The following TBC1D10A variants were observed in gnomAD, a reference collection of about 807,000 sequenced individuals.
TBC1D10A encodes TBC1 domain family member 10A.
TBC1D10A carries 24 observed loss-of-function variants against 52.9 expected under a neutral mutation model. The observed-to-expected ratio is 0.45, with a 90% CI of 0.33 to 0.64. The LOEUF is 0.64. Ranked by LOEUF, TBC1D10A falls within the 30% of genes least tolerant of loss-of-function variation. The pLI is 0.02. For missense variants in TBC1D10A, 602 were observed against 687.9 expected, an observed-to-expected ratio of 0.88 and a Z score of 1.40; for synonymous variants, 278 against 282.9, an observed-to-expected ratio of 0.98 and a Z score of 0.17.
chr22:30,293,252 T>G (rs1348456064), intron 8 of TBC1D10A: 1 of 605,430 alleles, frequency 1.7e-6, no homozygotes, highest in African/African-American at 1.8e-5. Context: ...TGCTTAGTGA[T>G]TCTGCCTCTG....
At chr22:30,319,939 G>A (rs1341670838) in intron 1 of TBC1D10A, among the ~76,000 whole-genome samples, 2 of 152,156 alleles carry the variant, frequency 1.3e-5, no homozygotes, top group Non-Finnish European at 2.9e-5. Flanking sequence ...CAATTACCTC[G>A]ACTGAGGAAG....
chr22:30,308,179 G>A (rs1190834049), intron 1 of TBC1D10A, among the ~76,000 whole-genome samples: 12 of 152,170 alleles, frequency 7.9e-5, no homozygotes, highest in Non-Finnish European at 5.9e-5. Flanking sequence ...TGGCAGAGCT[G>A]GGACTCAAAC....
chr22:30,326,720 G>C lies in TBC1D10A; in HGVS notation c.162C>G (p.Arg54=). The C allele has an allele frequency of 6.5e-7, 1 of 1,541,318 alleles. No homozygotes were observed. ...CCACGATGAAGCCGAACTTGTCGAT[G>C]CGGCGCTCGGCGAAGCCGTTGGCCT... The part of the protein sequence containing the change: ...DSEANGFAER[R]IDKFGFIVGS... Residue 54 remains arginine (R), a synonymous_variant, in exon 1 of 9, where the codon CGC becomes CGG. Transcript: ENST00000215790.
At chr22:30,319,949 G>A (rs1014888558) in intron 1 of TBC1D10A, among the ~76,000 whole-genome samples, 1 of 152,226 alleles carries the variant, frequency 6.6e-6, no homozygotes, top group Non-Finnish European at 1.5e-5. Flanking sequence ...GACTGAGGAA[G>A]AGAAAGGGGA....
At chr22:30,323,529 C>T (rs1601683121) in intron 1 of TBC1D10A, among the ~76,000 whole-genome samples, 1 of 152,224 alleles carries the variant, frequency 6.6e-6, no homozygotes, top group East Asian at 1.9e-4. Context: ...GCAGTGGAAA[C>T]TGTACTGACC....
At chr22:30,325,071 A>ATT (rs1357011020) in intron 1 of TBC1D10A, among the ~76,000 whole-genome samples, 1 of 152,190 alleles carries the variant, frequency 6.6e-6, no homozygotes, top group Non-Finnish European at 1.5e-5. Context: ...CTGCTCCTCA[A>ATT]TTCAAAACAC....
intron 1 of TBC1D10A, among the ~76,000 whole-genome samples, chr22:30,315,872 TG>T (rs1309924069): frequency 6.6e-6 from 1 of 151,994 alleles, no homozygotes; most frequent in Non-Finnish European, 1.5e-5. Flanking sequence ...TGCAGACACT[TG>T]GGGCTGGGCT....
intron 2 of TBC1D10A, among the ~76,000 whole-genome samples, chr22:30,302,969 G>T (rs1363814084): frequency 1.3e-5 from 2 of 152,234 alleles, no homozygotes; most frequent in Non-Finnish European, 2.9e-5. Flanking sequence ...AGGAATAACT[G>T]TCTTAACATT....
At position 30,326,835 on chromosome 22, in the gene TBC1D10A, C is replaced by T; in HGVS notation, c.47G>A (p.Gly16Glu). ...GENGPRAPAA[G>E]ESLSGTRESL... Reference sequence around the variant, plus strand: ...CTCCCGGGTTCCCGACAGGCTTTCCCCGGCCGCGGGCGCGCGCGGCCCATT... The same window carrying T: ...CTCCCGGGTTCCCGACAGGCTTTCCTCGGCCGCGGGCGCGCGCGGCCCATT... Residue 16 changes from glycine to glutamate, a missense_variant, in exon 1 of 9, where the codon GGG (glycine) becomes GAG (glutamate). By Grantham distance (98) the Gly-to-Glu change is moderately conservative. Coordinates refer to ENST00000215790, the MANE Select transcript of TBC1D10A (RefSeq NM_031937.3). 1.4e-6 allele frequency: 2 copies of T among 1,475,848 alleles called. No individual in the cohort carries two copies. Among genetic ancestry groups the T allele is most frequent in the Non-Finnish European group, 1.8e-6 (2 of 1,120,740 alleles). The allele number at this position is 1,475,848 out of a possible 1,614,324, so 91.4% of individuals were successfully genotyped here. A position where few individuals can be genotyped will look rare whatever the true frequency, so the allele number is the denominator to read the frequency against.
intron 1 of TBC1D10A, among the ~76,000 whole-genome samples, chr22:30,306,786 C>T (rs936843350): frequency 6.6e-6 from 1 of 152,170 alleles, no homozygotes; most frequent in Non-Finnish European, 1.5e-5. Context: ...AAGGAAGACA[C>T]TGGAGGTCTG....
rs778282479 is a variant in TBC1D10A, at chr22:30,294,005, T to C, written c.811A>G (p.Met271Val). 5 of 1,614,108 alleles carry C rather than the reference T, an allele frequency of 3.1e-6. No individual in the cohort carries two copies. The South Asian group carries it at 3.3e-5, about 11-fold the overall frequency. The stretch of plus-strand genomic sequence containing the variant: ...AAGGCGCACATGAACCATTCTGTCA[T>C]ATAGAGGAGCGGGTCGATCTTCTGA... ...SRQKIDPLLY[M>V]TEWFMCAFSR... Residue 271 changes from methionine to valine, a missense_variant, in exon 7 of 9, where the codon ATG (methionine) becomes GTG (valine). Met to Val is a conservative substitution (Grantham distance 21). Around this residue, in one of 3 missense-constraint regions of TBC1D10A, gnomAD observed 136 missense variants for 208.4 expected, o/e 0.65. Transcript: ENST00000215790.
chr22:30,303,370 C>A (rs1930247063), intron 2 of TBC1D10A, among the ~76,000 whole-genome samples: 1 of 152,188 alleles, frequency 6.6e-6, no homozygotes, highest in African/African-American at 2.4e-5. Flanking sequence ...TAGAGAATAA[C>A]AAGCAAGAGC....
intron 2 of TBC1D10A, among the ~76,000 whole-genome samples, chr22:30,304,031 A>G (rs1930260889): frequency 6.6e-6 from 1 of 152,250 alleles, no homozygotes; most frequent in African/African-American, 2.4e-5. Flanking sequence ...GTGGTGGCTA[A>G]GAGGGCAGGT....
chr22:30,326,223 C>G (rs1479694006), intron 1 of TBC1D10A, among the ~76,000 whole-genome samples: 1 of 132,910 alleles, frequency 7.5e-6, no homozygotes, highest in Admixed American at 7.8e-5. Context: ...GGCGGGGAGA[C>G]AAGGGCGTCT....
intron 3 of TBC1D10A, 69 bp downstream of exon 3, chr22:30,299,375 G>A: frequency 6.7e-7 from 1 of 1,485,474 alleles, no homozygotes; most frequent in African/African-American, 1.4e-5. Context: ...AGCACATGGA[G>A]GATTGCCGCC....
chr22:30,308,356 A>C (rs1930360903), intron 1 of TBC1D10A, among the ~76,000 whole-genome samples: 1 of 122,174 alleles, frequency 8.2e-6, no homozygotes, highest in Non-Finnish European at 1.7e-5. Flanking sequence ...GCCTGCCTAG[A>C]TCTCGTAAAA....
chr22:30,304,694 C>T (rs1930275655), intron 1 of TBC1D10A, 64 bp from the exon 2 acceptor site: 2 of 1,580,836 alleles, frequency 1.3e-6, no homozygotes, highest in Non-Finnish European at 1.7e-6. Context: ...GGCTTCATTC[C>T]CAGCCGCCAG....
At chr22:30,309,976 C>A (rs1373535678) in intron 1 of TBC1D10A, among the ~76,000 whole-genome samples, 2 of 152,214 alleles carry the variant, frequency 1.3e-5, no homozygotes, top group Non-Finnish European at 2.9e-5. Flanking sequence ...CTCCTCCAAG[C>A]CTCACTCCCT....
rs997060029 is a variant in TBC1D10A at position 30,297,776 on chromosome 22, G to C, written c.417+1668C>G. 1.3e-5 allele frequency: 2 copies of C among 152,328 alleles called. No homozygotes were observed. Among genetic ancestry groups the C allele is most frequent in the Non-Finnish European group, 2.9e-5 (2 of 68,050 alleles). 9.4% of individuals were successfully genotyped at this position (152,328 alleles called of 1,614,324 possible). ...CTGGGTATTGAATGGAGGGCCCTGT[G>C]GGGAGAGAGCACAGAAACAGGTGCA... On this transcript the variant is annotated intron_variant, in intron 3 of 8. Transcript: ENST00000215790. This position sits in a 1 kb window ranked among gnomAD's most constrained non-coding sequence, Gnocchi z 4.3.
Sources: gnomAD v4.1 joint callset for allele counts (sites outside exome capture counted in the v4.1 genomes callset) on GRCh38, gnomAD v4.1.1 for gene constraint, gnomAD v4.1.1 regional missense constraint, Gnocchi (gnomAD v3.1) non-coding constraint, MANE v1.5 for transcripts, NCBI Gene and HGNC (gene_info 2026-07-23, HGNC 2026-07-21) for gene names.